The following SP110 variants were observed in gnomAD, a reference collection of about 807,000 sequenced individuals.
SP110 encodes the protein SP110 nuclear body protein.
In SP110, 62 loss-of-function variants were observed where a neutral mutation model predicts 92.7. The observed-to-expected ratio is 0.67, with a 90% CI of 0.55 to 0.83. The LOEUF (loss-of-function observed/expected upper bound fraction) is 0.83, where lower values mean the gene tolerates loss of function less well. SP110 is among the 40% of genes least tolerant of loss of function. The pLI is 0.00. For missense variants in SP110, 793 were observed against 863.9 expected (o/e 0.92, Z 1.03); for synonymous variants, 273 against 305.3 (o/e 0.89, Z 1.10).
At chr2:230,203,958 T>A (rs1207029929) in intron 8 of SP110, among the ~76,000 whole-genome samples, 3 of 152,234 alleles carry the variant, frequency 2.0e-5, no homozygotes, top group Non-Finnish European at 4.4e-5. Flanking sequence ...TTAATACCAT[T>A]GAGCTATGCA....
intron 10 of SP110, among the ~76,000 whole-genome samples, chr2:230,191,721 C>A (rs191522373): frequency 2.0e-4 from 31 of 152,238 alleles, no homozygotes; most frequent in Non-Finnish European, 3.1e-4. Context: ...GAGCTGGTAC[C>A]ATTACTTCTG....
chr2:230,223,697 A>C (rs1322168106), upstream of SP110, among the ~76,000 whole-genome samples: 1 of 152,228 alleles, frequency 6.6e-6, no homozygotes, highest in Non-Finnish European at 1.5e-5. Context: ...AGAGTCAGGA[A>C]TTTTGGAGTT....
At position 230,208,056 on chromosome 2, in the gene SP110, T is replaced by G; in HGVS notation, c.833A>C (p.Lys278Thr). Residue 278 changes from lysine (K) to threonine (T), a missense_variant, in exon 8 of 19, where the codon AAG (lysine) becomes ACG (threonine). Physicochemically the swap from Lys to Thr is moderately conservative, Grantham distance 78. Coordinates refer to ENST00000258381, the MANE Select transcript of SP110 (RefSeq NM_080424.4). ...VSSTPSDKKG[K>T]KRKRCIWSTP... The stretch of plus-strand genomic sequence containing the variant: ...TGACCAGATACATCTTTTTCTTTTC[T>G]TTCCTAAAAAGAAAGGATAATGTTT... The G allele has an allele frequency of 6.6e-7, 1 of 1,515,530 alleles. No homozygotes were observed. Among genetic ancestry groups the G allele is most frequent in the Non-Finnish European group, 9.1e-7 (1 of 1,092,908 alleles). The allele number at this position is 1,515,530 out of a possible 1,614,324, so 93.9% of individuals were successfully genotyped here. A position where few individuals can be genotyped will look rare whatever the true frequency, so the allele number is the denominator to read the frequency against.
intron 8 of SP110, among the ~76,000 whole-genome samples, chr2:230,205,406 A>G (rs1038753888): frequency 6.6e-6 from 1 of 152,140 alleles, no homozygotes; most frequent in African/African-American, 2.4e-5. Context: ...CATCCAATCC[A>G]AAGTGACTCC....
intron 10 of SP110, among the ~76,000 whole-genome samples, chr2:230,195,379 G>A (rs2042824039): frequency 6.6e-6 from 1 of 152,112 alleles, no homozygotes; most frequent in South Asian, 2.1e-4. Flanking sequence ...CTGTTATGCA[G>A]GCTGGAGTGC....
chr2:230,202,382 C>T (rs59536070), intron 9 of SP110, among the ~76,000 whole-genome samples, 197 bp downstream of exon 9: 19,150 of 152,140 alleles, frequency 0.13, 1,366 homozygotes, highest in South Asian at 0.27. Context: ...CCTGTGAACA[C>T]GTCTGTTTCT....
At position 230,169,146 on chromosome 2, in the gene SP110, C is replaced by T. The variant is rs115052010; in HGVS notation, c.2120G>A (p.Gly707Asp). ...GGGTCAAGGAAGAGTCCAGAAACCG[C>T]CGTCATTGGCTTCATGAAAACCGAG... Reference protein sequence around the residue: ...DVLGFHEANDGGFWTLP With the variant: ...DVLGFHEANDDGFWTLP The change falls in exon 19 of 19, where the codon GGC (glycine) becomes GAC (aspartate). Residue 707 changes from glycine to aspartate, a missense_variant. Physicochemically the swap from Gly to Asp is moderately conservative, Grantham distance 94 (BLOSUM62 -1). Coordinates refer to ENST00000258381, the MANE Select transcript of SP110 (RefSeq NM_080424.4). The T allele has an allele frequency of 4.5e-5, 73 of 1,613,036 alleles. No homozygotes were observed. The African/African-American group carries it at 9.6e-4, about 21-fold the overall frequency.
chr2:230,190,323 CAT>C (rs764513987), intron 10 of SP110, among the ~76,000 whole-genome samples: 4 of 146,444 alleles, frequency 2.7e-5, no homozygotes, highest in Non-Finnish European at 6.0e-5. Flanking sequence ...AGCGTTTTTC[CAT>C]ATGTTTGTTG....
In SP110 at chr2:230,169,122, G is replaced by C; in HGVS notation, c.*2C>G. 3 of 1,588,828 alleles carry C rather than the reference G, an allele frequency of 1.9e-6. No homozygotes were observed. Among genetic ancestry groups the C allele is most frequent in the Non-Finnish European group, 1.7e-6 (2 of 1,157,264 alleles). ...GGATGCTTCAGTCTTTACAGAACAG[G>C]GTCAAGGAAGAGTCCAGAAACCGCC... is the stretch of plus-strand genomic sequence containing the variant. On this transcript the variant is annotated 3_prime_UTR_variant, in exon 19 of 19. Coordinates refer to ENST00000258381, the MANE Select transcript of SP110 (RefSeq NM_080424.4).
intron 14 of SP110, among the ~76,000 whole-genome samples, chr2:230,174,531 A>G (rs115074418): frequency 6.6e-6 from 1 of 152,224 alleles, no homozygotes; most frequent in African/African-American, 2.4e-5. Flanking sequence ...CATGATGGCC[A>G]TGGGCTTCTG....
upstream of SP110, among the ~76,000 whole-genome samples, chr2:230,222,860 T>TA (rs754872844): frequency 1.0e-3 from 135 of 134,326 alleles, no homozygotes; most frequent in Middle Eastern, 0.018. Flanking sequence ...TTTTTTTTTT[T>TA]ATCAATGAAG....
At chr2:230,225,190 C>G (rs1001017963) in intron 1 of SP110, among the ~76,000 whole-genome samples, 15 of 152,122 alleles carry the variant, frequency 9.9e-5, no homozygotes, top group Non-Finnish European at 1.0e-4. Context: ...TGTAAAGTGC[C>G]CACATATTTG....
upstream of SP110, chr2:230,221,761 C>A (rs2045839776): frequency 2.0e-6 from 3 of 1,533,036 alleles, no homozygotes; most frequent in South Asian, 3.6e-5. Flanking sequence ...AGGATCCTGG[C>A]AGCAAGAACT....
chr2:230,205,994 G>C (rs771123667), intron 8 of SP110, among the ~76,000 whole-genome samples: 40 of 152,126 alleles, frequency 2.6e-4, no homozygotes, highest in Non-Finnish European at 5.4e-4. Context: ...TAAGTAGAAT[G>C]GGGGAGAAAG....
At chr2:230,172,212 C>A (rs762506311) in intron 15 of SP110, 38 bp from the exon 16 acceptor site, 1 of 1,293,422 alleles carries the variant, frequency 7.7e-7, no homozygotes, top group African/African-American at 1.4e-5. Context: ...AGGGCAAAGC[C>A]CCTGGAAATG....
At chr2:230,199,741 A>C (rs1459028722) in intron 10 of SP110, among the ~76,000 whole-genome samples, 10 of 152,112 alleles carry the variant, frequency 6.6e-5, no homozygotes, top group Admixed American at 6.5e-4. Flanking sequence ...TTTCCCAGAG[A>C]GAGTTTATTT....
At chr2:230,170,851 AG>A (rs2078420554) in intron 17 of SP110, 90 bp from the exon 18 acceptor site, 2 of 1,360,190 alleles carry the variant, frequency 1.5e-6, no homozygotes, top group Non-Finnish European at 2.1e-6. Flanking sequence ...CTTCATTTCC[AG>A]GGTCATAATG....
intron 10 of SP110, among the ~76,000 whole-genome samples, chr2:230,198,431 G>A (rs1367321415): frequency 2.0e-5 from 3 of 152,170 alleles, no homozygotes; most frequent in Non-Finnish European, 4.4e-5. Context: ...AACATGGGCA[G>A]GGTGAGCACT....
rs887837221 is a variant in SP110 at position 230,170,739 on chromosome 2, A to G, written c.1910T>C (p.Phe637Ser). The change falls in exon 18 of 19, where the codon TTT (phenylalanine) becomes TCT (serine). Residue 637 changes from phenylalanine (F) to serine (S), a missense_variant. Transcript: ENST00000258381. ...CAGGTCCAACCACATTGCTTCCTGA[A>G]AGGGCTCACCGTAATCTCGAATCTT... The part of the protein sequence containing the change: ...PFNIRDYGEP[F>S]QEAMWLDLVK... 1.9e-6 allele frequency: 3 copies of G among 1,613,980 alleles called. No homozygotes were observed. In the African/African-American group the frequency reaches 4.0e-5, roughly 22 times the overall value.
Sources: gnomAD v4.1 joint callset for allele counts (sites outside exome capture counted in the v4.1 genomes callset) on GRCh38, gnomAD v4.1.1 for gene constraint, MANE v1.5 for transcripts, NCBI Gene and HGNC (gene_info 2026-07-23, HGNC 2026-07-21) for gene names.